Variants in MID1 observed in about 807,000 individuals in gnomAD.
MID1 encodes the protein midline 1.
MID1 carries 7 observed loss-of-function variants against 40.4 expected under a neutral mutation model. That is an observed-to-expected ratio of 0.17 (90% CI 0.10 to 0.33). MID1 has a LOEUF of 0.33. Ranked by LOEUF, MID1 falls within the 10% of genes least tolerant of loss-of-function variation. The probability of loss-of-function intolerance (pLI) is 1.00; values close to 1 mark genes in which losing one functional copy is unlikely to be tolerated. For synonymous variants in MID1, 229 were observed against 221.2 expected (o/e 1.04, Z -0.31); for missense variants, 367 against 558.5 (o/e 0.66, Z 3.46).
intron 1 of MID1, among the ~76,000 whole-genome samples, chrX:10,651,409 G>C (rs746094182): frequency 1.6e-4 from 18 of 112,103 alleles, no homozygotes; most frequent in Non-Finnish European, 3.4e-4. Context: ...ATGGAAAACT[G>C]TCCTTCCATT....
intron 1 of MID1, among the ~76,000 whole-genome samples, chrX:10,613,732 TAGAGAGAGAG>T (rs1163813461): frequency 0.012 from 217 of 17,444 alleles, 2 homozygotes; most frequent in Non-Finnish European, 0.021. Flanking sequence ...TATATATATA[TAGAGAGAGAG>T]AGAGAGAGAG....
Position 10,567,544 on chromosome X carries a change from C to T in MID1, c.4G>A (p.Glu2Lys). The stretch of plus-strand genomic sequence containing the variant: ...CAGGTCAGTTCTGACTCCAGTGTTT[C>T]CATCTTCAGGCAAAGCTCTCTTGTG... M[E>K]TLESELTCPI... is the part of the protein sequence containing the mutation. Residue 2 changes from glutamate to lysine, a missense_variant, in exon 2 of 10, where the codon GAA becomes AAA. By Grantham distance (56) the Glu-to-Lys change is moderately conservative (BLOSUM62 1). Transcript: ENST00000317552. 1 of 1,211,637 alleles carries T rather than the reference C, an allele frequency of 8.3e-7. No homozygotes were observed.
At chrX:10,622,436 T>G (rs1192427461), upstream of MID1, among the ~76,000 whole-genome samples, 1 of 112,045 alleles carries the variant, frequency 8.9e-6, no homozygotes, top group Non-Finnish European at 1.9e-5. Flanking sequence ...TTATTCTCCT[T>G]TGACTCACTC....
chrX:10,614,313 A>C (rs915851359), intron 1 of MID1, among the ~76,000 whole-genome samples: 1 of 111,865 alleles, frequency 8.9e-6, no homozygotes, highest in Non-Finnish European at 1.9e-5. Flanking sequence ...CCTGGCTGTT[A>C]CTCACAAAGA....
intron 1 of MID1, among the ~76,000 whole-genome samples, chrX:10,574,793 G>C (rs1307446107): frequency 8.9e-6 from 1 of 112,593 alleles, no homozygotes; most frequent in Non-Finnish European, 1.9e-5. Context: ...AAATTAGTGA[G>C]TCATTAGACC....
chrX:10,465,214 T>TACACACACAC lies in MID1; in HGVS notation c.1285+4473_1285+4482dup, dbSNP rs775197915. The stretch of plus-strand genomic sequence containing the variant: ...ATATATATATATATATATATATATA[T>TACACACACAC]ACACACACACACACACACACACACA... On this transcript the variant is annotated intron_variant, in intron 7 of 9. Transcript: ENST00000317552. Among the ~76,000 whole-genome samples, 133 of 39,864 alleles carry TACACACACAC rather than the reference T, an allele frequency of 3.3e-3. 3 individuals carry two copies. Among genetic ancestry groups the TACACACACAC allele is most frequent in the African/African-American group, 0.016 (112 of 7,050 alleles). The allele number at this position is 39,864 out of a possible 115,157, so 34.6% of individuals were successfully genotyped here. A position where few individuals can be genotyped will look rare whatever the true frequency, so the allele number is the denominator to read the frequency against.
At chrX:10,566,522 C>CCT (rs1162300536) in intron 2 of MID1, among the ~76,000 whole-genome samples, 5 of 82,264 alleles carry the variant, frequency 6.1e-5, no homozygotes, top group African/African-American at 2.6e-4. Flanking sequence ...CCTCTCTCTC[C>CCT]CTCTCTCTCC....
At chrX:10,518,950 T>C (rs1932582725) in intron 3 of MID1, among the ~76,000 whole-genome samples, 1 of 112,496 alleles carries the variant, frequency 8.9e-6, no homozygotes, top group African/African-American at 3.2e-5. Context: ...AAAATCTCCC[T>C]GTAAATTTCT....
intron 1 of MID1, among the ~76,000 whole-genome samples, chrX:10,656,483 C>T (rs1385559692): frequency 9.0e-6 from 1 of 111,591 alleles, no homozygotes; most frequent in Non-Finnish European, 1.9e-5. Flanking sequence ...TCACTAATTG[C>T]TGGACCTACT....
intron 7 of MID1, among the ~76,000 whole-genome samples, chrX:10,463,609 T>C (rs1183227850): frequency 8.9e-6 from 1 of 112,383 alleles, no homozygotes; most frequent in Non-Finnish European, 1.9e-5. Context: ...TCTTTTAAAA[T>C]GCAATTATGG....
intron 8 of MID1, among the ~76,000 whole-genome samples, chrX:10,457,620 G>A (rs1928761367): frequency 9.0e-6 from 1 of 111,596 alleles, no homozygotes; most frequent in Admixed American, 9.5e-5. Context: ...CATAGTGCAA[G>A]AGAGCTTTAT....
At chrX:10,500,895 C>T (rs953260189) in intron 3 of MID1, among the ~76,000 whole-genome samples, 5 of 111,974 alleles carry the variant, frequency 4.5e-5, no homozygotes, top group Non-Finnish European at 9.4e-5. Context: ...CCTAAACTAA[C>T]GGCAAGAGTG....
chrX:10,749,932 CG>C (rs1569161476), intron 1 of MID1, among the ~76,000 whole-genome samples: 1 of 111,254 alleles, frequency 9.0e-6, no homozygotes, highest in Non-Finnish European at 1.9e-5. Flanking sequence ...GAGATTTGGG[CG>C]GGGACACATA....
rs1933476486 is a variant in MID1, at chrX:10,541,762, TA to T, written c.661-18576del. Among the ~76,000 whole-genome samples the T allele has an allele frequency of 4.3e-5, 3 of 69,986 alleles. No individual in the cohort carries two copies. In the Admixed American group the frequency reaches 6.2e-4, roughly 14 times the overall value. The allele number at this position is 69,986 out of a possible 115,157, so 60.8% of individuals were successfully genotyped here. On this transcript the variant is annotated intron_variant, in intron 2 of 9. Transcript: ENST00000317552. ...AAAAATGAGTTCAAATCACAAAATA[TA>T]AAAATCCCAAGTGTGAATTTTCTGA...
chrX:10,605,670 T>C (rs1935611359), intron 1 of MID1, among the ~76,000 whole-genome samples: 1 of 111,943 alleles, frequency 8.9e-6, no homozygotes, highest in Non-Finnish European at 1.9e-5. Flanking sequence ...GAGTATTATT[T>C]GCCATGCTAT....
chrX:10,629,124 CAA>C (rs1569132482), intron 1 of MID1, among the ~76,000 whole-genome samples: 1 of 111,820 alleles, frequency 8.9e-6, no homozygotes, highest in African/African-American at 3.3e-5. Context: ...AATCTACCTC[CAA>C]AAGTCTCTCA....
At chrX:10,719,263 G>C (rs1428776767) in intron 1 of MID1, among the ~76,000 whole-genome samples, 2 of 105,652 alleles carry the variant, frequency 1.9e-5, no homozygotes, top group African/African-American at 3.5e-5. Flanking sequence ...AATTGTCCCT[G>C]TTTGCAGATG....
At chrX:10,456,407 C>T (rs905112934) in intron 8 of MID1, among the ~76,000 whole-genome samples, 8 of 112,464 alleles carry the variant, frequency 7.1e-5, no homozygotes, top group African/African-American at 2.3e-4. Flanking sequence ...GGGGCAGCCA[C>T]GGACAGGACA....
intron 1 of MID1, among the ~76,000 whole-genome samples, chrX:10,573,242 G>T (rs1934786600): frequency 8.9e-6 from 1 of 112,008 alleles, no homozygotes; most frequent in Admixed American, 9.5e-5. Context: ...CTCATAATAT[G>T]TATCTTAGTC....
Sources: allele counts gnomAD v4.1 joint callset (sites outside exome capture counted in the v4.1 genomes callset), GRCh38; gene constraint gnomAD v4.1.1; transcripts MANE v1.5; gene names NCBI Gene and HGNC (gene_info 2026-07-23, HGNC 2026-07-21).